The following SLC30A8 variants were observed in gnomAD, a reference collection of about 807,000 sequenced individuals.
SLC30A8 encodes the protein solute carrier family 30 member 8, also known as proton-coupled zinc antiporter SLC30A8.
Under a neutral mutation model 36.9 loss-of-function variants are expected in SLC30A8, and 27 were observed. The observed-to-expected ratio is 0.73, with a 90% CI of 0.54 to 1.01. SLC30A8 has a LOEUF of 1.01. Among genes scored for constraint, SLC30A8 ranks in the 50% least tolerant of loss-of-function variants. SLC30A8 has a pLI of 0.00. For synonymous variants in SLC30A8, 164 were observed against 172.4 expected, an observed-to-expected ratio of 0.95 and a Z score of 0.38; for missense variants, 439 against 452.0, an observed-to-expected ratio of 0.97 and a Z score of 0.26.
chr8:117,045,909 G>T (rs1202468194), intron 2 of SLC30A8, among the ~76,000 whole-genome samples: 1 of 151,716 alleles, frequency 6.6e-6, no homozygotes, highest in Admixed American at 6.6e-5. Context: ...AGGAGAGCCT[G>T]GGCAGACTGT....
chr8:117,088,376 T>C lies in SLC30A8; in HGVS notation c.-225-46904T>C, dbSNP rs776672292. On this transcript the variant is annotated intron_variant, in intron 2 of 10. Coordinates refer to the SLC30A8 transcript ENST00000427715. ...ATGCAGATGCCCAGGTTTCCCCCCTTATTCCTGGAGTCCAGTATTACTGTT... is the reference window on the plus strand; with the variant it reads ...ATGCAGATGCCCAGGTTTCCCCCCTCATTCCTGGAGTCCAGTATTACTGTT... Among the ~76,000 whole-genome samples, 12 of 152,288 alleles carry C rather than the reference T, an allele frequency of 7.9e-5. No individual in the cohort carries two copies. The East Asian group carries it at 2.1e-3, about 27-fold the overall frequency.
chr8:116,963,622 G>A (rs1219127473), intron 1 of SLC30A8, among the ~76,000 whole-genome samples: 1 of 152,098 alleles, frequency 6.6e-6, no homozygotes, highest in Non-Finnish European at 1.5e-5. Flanking sequence ...ATACTTTATT[G>A]TATGGATATC....
chr8:117,140,950 C>T (rs1274441447), intron 1 of SLC30A8, among the ~76,000 whole-genome samples: 2 of 151,898 alleles, frequency 1.3e-5, no homozygotes, highest in Non-Finnish European at 2.9e-5. Flanking sequence ...TGGATAAATT[C>T]ATAGAAAGAC....
intron 1 of SLC30A8, among the ~76,000 whole-genome samples, chr8:116,966,222 G>A (rs890397281): frequency 1.3e-5 from 2 of 152,128 alleles, no homozygotes; most frequent in Non-Finnish European, 2.9e-5. Flanking sequence ...TAAAGATGGC[G>A]AGTGCAGGAG....
chr8:116,963,396 T>C (rs1195958147), intron 1 of SLC30A8, among the ~76,000 whole-genome samples: 3 of 152,164 alleles, frequency 2.0e-5, no homozygotes, highest in African/African-American at 7.2e-5. Context: ...AACATTTTCA[T>C]CACCCCCAAA....
At chr8:117,096,935 G>C (rs916452585) in intron 2 of SLC30A8, among the ~76,000 whole-genome samples, 1 of 152,046 alleles carries the variant, frequency 6.6e-6, no homozygotes, top group Non-Finnish European at 1.5e-5. Flanking sequence ...ACTGCCACTG[G>C]AGCTGGAGAT....
chr8:117,013,626 A>G (rs1375017594), intron 1 of SLC30A8, among the ~76,000 whole-genome samples: 1 of 152,138 alleles, frequency 6.6e-6, no homozygotes, highest in Non-Finnish European at 1.5e-5. Context: ...AACCATATAT[A>G]TACCTGGACT....
At chr8:116,982,133 T>G (rs954675351) in intron 1 of SLC30A8, among the ~76,000 whole-genome samples, 1 of 152,238 alleles carries the variant, frequency 6.6e-6, no homozygotes, top group African/African-American at 2.4e-5. Flanking sequence ...AGATGGTATC[T>G]CATTGTGGTT....
intron 2 of SLC30A8, among the ~76,000 whole-genome samples, chr8:117,067,170 C>A: frequency 6.6e-6 from 1 of 152,012 alleles, no homozygotes; most frequent in Non-Finnish European, 1.5e-5. Flanking sequence ...GTAACCAGCC[C>A]CATGATTCAA....
chr8:116,973,048 G>A (rs867611251), intron 1 of SLC30A8, among the ~76,000 whole-genome samples: 3 of 152,092 alleles, frequency 2.0e-5, no homozygotes, highest in Non-Finnish European at 2.9e-5. Context: ...AATGGGATTC[G>A]TTCTCTTATA....
At chr8:116,981,739 A>G (rs1815270479) in intron 1 of SLC30A8, among the ~76,000 whole-genome samples, 1 of 152,168 alleles carries the variant, frequency 6.6e-6, no homozygotes, top group African/African-American at 2.4e-5. Flanking sequence ...GCTGCAAAAG[A>G]CATGATCTTG....
At chr8:117,079,625 A>G (rs994961146) in intron 2 of SLC30A8, among the ~76,000 whole-genome samples, 8 of 152,216 alleles carry the variant, frequency 5.3e-5, no homozygotes, top group Non-Finnish European at 1.2e-4. Context: ...GGGTATAAAG[A>G]TAAGTTGATG....
chr8:117,160,446 T>TGTGTGC (rs150458118), intron 4 of SLC30A8, among the ~76,000 whole-genome samples: 3,910 of 144,212 alleles, frequency 0.027, 176 homozygotes, highest in African/African-American at 0.09. Flanking sequence ...CGCGCACATG[T>TGTGTGC]GCGCGCGGTG....
At position 116,996,997 on chromosome 8, in the gene SLC30A8, G is replaced by A. The variant is rs556314435; in HGVS notation, c.-265-42222G>A. On this transcript the variant is annotated intron_variant, in intron 1 of 10. Transcript: ENST00000427715. ...GCATTCTTTTTTTTTTTTTTGAGAC[G>A]GAGTTTTGCTCTTGTCACATAACTT... 8.0e-5 allele frequency among the ~76,000 whole-genome samples: 12 copies of A among 150,256 alleles called. No homozygotes were observed. In the South Asian group the frequency reaches 2.1e-3, roughly 26 times the overall value.
At chr8:117,132,027 A>G (rs1464173912), upstream of SLC30A8, among the ~76,000 whole-genome samples, 1 of 152,026 alleles carries the variant, frequency 6.6e-6, no homozygotes, top group Non-Finnish European at 1.5e-5. Context: ...CACCAACAGG[A>G]AAAAGCAAAA....
At chr8:117,054,765 G>C (rs944951546) in intron 2 of SLC30A8, among the ~76,000 whole-genome samples, 4 of 152,046 alleles carry the variant, frequency 2.6e-5, no homozygotes, top group Non-Finnish European at 5.9e-5. Context: ...AGTTTTCCCA[G>C]AGCTAACCAG....
At chr8:116,957,244 T>C (rs888110561) in intron 1 of SLC30A8, among the ~76,000 whole-genome samples, 6 of 152,174 alleles carry the variant, frequency 3.9e-5, no homozygotes, top group African/African-American at 7.2e-5. Flanking sequence ...TAAAGGGCTA[T>C]TATGGGCAGC....
intron 1 of SLC30A8, among the ~76,000 whole-genome samples, chr8:116,995,366 C>T (rs1460411959): frequency 6.6e-6 from 1 of 151,992 alleles, no homozygotes; most frequent in Non-Finnish European, 1.5e-5. Flanking sequence ...AATAGGCCAC[C>T]TAGGGTCAAG....
At chr8:117,005,445 AT>A (rs1321293310) in intron 1 of SLC30A8, among the ~76,000 whole-genome samples, 2 of 152,270 alleles carry the variant, frequency 1.3e-5, no homozygotes, top group Admixed American at 1.3e-4. Context: ...TTGTATGAAT[AT>A]ACCACATATT....
Sources: gnomAD v4.1 joint callset for allele counts (sites outside exome capture counted in the v4.1 genomes callset) on GRCh38, gnomAD v4.1.1 for gene constraint, MANE v1.5 for transcripts, NCBI Gene and HGNC (gene_info 2026-07-23, HGNC 2026-07-21) for gene names.